Variants in B9D1 observed in about 807,000 individuals in gnomAD.
B9D1 encodes the protein B9 domain-containing protein 1.
In B9D1, 20 loss-of-function variants were observed where a neutral mutation model predicts 26.1. The observed-to-expected ratio is 0.77, with a 90% CI of 0.54 to 1.12. The LOEUF is 1.12. Among genes scored for constraint, B9D1 ranks in the 50% most tolerant of loss-of-function variants. The pLI, the probability that B9D1 is intolerant of heterozygous loss-of-function variation, is 0.00. For synonymous variants in B9D1, 105 were observed against 103.1 expected, an observed-to-expected ratio of 1.02 and a Z score of -0.11; for missense variants, 260 against 273.7, an observed-to-expected ratio of 0.95 and a Z score of 0.35.
chr17:19,362,503 T>C lies in B9D1; in HGVS notation c.63+4A>G. The stretch of plus-strand genomic sequence containing the variant: ...GGGCCCCGGCGGGGTCCACGGCCGC[T>C]CACCTGGGCGCTCTCCACCTGCCCG... On this transcript the variant is annotated splice_donor_region_variant and intron_variant, in intron 1 of 6. Transcript: ENST00000261499. The C allele has an allele frequency of 6.4e-7, 1 of 1,562,180 alleles. No individual in the cohort carries two copies. Among genetic ancestry groups the C allele is most frequent in the Non-Finnish European group, 8.7e-7 (1 of 1,152,958 alleles).
chr17:19,342,679 G>A (rs1165121781), downstream of B9D1, among the ~76,000 whole-genome samples: 1 of 152,160 alleles, frequency 6.6e-6, no homozygotes, highest in Non-Finnish European at 1.5e-5. Context: ...CCAAGGGGCT[G>A]CCAGAAAGCT....
intron 3 of B9D1, among the ~76,000 whole-genome samples, chr17:19,348,233 C>G (rs1190875554): frequency 6.6e-6 from 1 of 152,174 alleles, no homozygotes; most frequent in Admixed American, 6.5e-5. Context: ...GACCTCTGCT[C>G]TCTGGGTGCT....
downstream of B9D1, chr17:19,336,474 C>T (rs1598032921): frequency 6.6e-6 from 1 of 152,638 alleles, no homozygotes; most frequent in African/African-American, 2.4e-5. Context: ...GCCCCCTGCC[C>T]CATCTTCTGG....
In B9D1 at chr17:19,347,123, C is replaced by T. The variant is rs1870954260; in HGVS notation, c.404+146G>A. 1.3e-6 allele frequency: 2 copies of T among 1,587,930 alleles called. No individual in the cohort carries two copies. The highest frequency in any genetic ancestry group is 1.3e-5 in the African/African-American group (1 of 74,550). ...GAAGGGAGCCCCGTGACTCAGCACT[C>T]CCAGGGGACCTGTTTCTATTTGTCC... is the stretch of plus-strand genomic sequence containing the variant. On this transcript the variant is annotated intron_variant, in intron 5 of 6. Coordinates refer to ENST00000261499, the MANE Select transcript of B9D1 (RefSeq NM_015681.6). This position sits in a 1 kb window ranked among gnomAD's most constrained non-coding sequence, Gnocchi z 4.3.
chr17:19,344,494 G>A (rs1332007975), intron 5 of B9D1: 2 of 279,306 alleles, frequency 7.2e-6, no homozygotes, highest in East Asian at 1.7e-4. Flanking sequence ...GAGGCCGGGG[G>A]TGTCAGGCCC....
chr17:19,338,906 CAA>C (rs920019715), downstream of B9D1, among the ~76,000 whole-genome samples: 2 of 152,184 alleles, frequency 1.3e-5, no homozygotes, highest in African/African-American at 4.8e-5. Context: ...TTTTAAGTGA[CAA>C]AGTTTTGGGG....
chr17:19,339,795 G>A (rs1249579162), downstream of B9D1, among the ~76,000 whole-genome samples: 1 of 152,154 alleles, frequency 6.6e-6, no homozygotes, highest in East Asian at 1.9e-4. Flanking sequence ...CCCTGAAGTG[G>A]GTCAGACCTC....
chr17:19,366,979 T>C (rs1385830010), upstream of B9D1, among the ~76,000 whole-genome samples: 1 of 152,170 alleles, frequency 6.6e-6, no homozygotes, highest in African/African-American at 2.4e-5. Context: ...AAGCATTTAA[T>C]AGAGGCACAT....
At chr17:19,337,812 T>G (rs1907573992), downstream of B9D1, 3 of 947,810 alleles carry the variant, frequency 3.2e-6, no homozygotes, top group Non-Finnish European at 3.0e-6. Flanking sequence ...TGGAATTGCC[T>G]CACTGCCACT....
At chr17:19,343,097 G>A, downstream of B9D1, 2 of 1,417,918 alleles carry the variant, frequency 1.4e-6, no homozygotes, top group Non-Finnish European at 1.8e-6. Flanking sequence ...CTGGAGGTGG[G>A]GCCAGGAAAG....
At position 19,370,718 on chromosome 17, in the gene B9D1, G is replaced by A. The variant is rs564099434; in HGVS notation, c.-298+7141C>T. On this transcript the variant is annotated intron_variant, in intron 1 of 5. Transcript: ENST00000477478. This position sits in a 1 kb window ranked among gnomAD's most constrained non-coding sequence, Gnocchi z 5.1. ...GAGAGGTGTCTGGAGCCATCTGGCC[G>A]TGAGGTCAGCCACCCAGCCAGGCCT... Among the ~76,000 whole-genome samples, 194 of 152,316 alleles carry A rather than the reference G, an allele frequency of 1.3e-3. No homozygotes were observed. Among genetic ancestry groups the A allele is most frequent in the Non-Finnish European group, 2.3e-3 (155 of 68,026 alleles).
Position 19,343,462 on chromosome 17 carries a change from C to T in B9D1, c.473-1G>A. On this transcript the variant is annotated splice_acceptor_variant, in intron 6 of 6. Transcript: ENST00000261499. LOFTEE classifies it high-confidence loss of function. Reference sequence around the variant, plus strand: ...AAGCCCTGAGAACGGACACGGGTCACTGGGGACAGAAGGGCAGCATCAGCC... The same window carrying T: ...AAGCCCTGAGAACGGACACGGGTCATTGGGGACAGAAGGGCAGCATCAGCC... 2 of 1,614,128 alleles carry T rather than the reference C, an allele frequency of 1.2e-6. No individual in the cohort carries two copies. Among genetic ancestry groups the T allele is most frequent in the South Asian group, 2.2e-5 (2 of 91,070 alleles).
chr17:19,348,467 G>A (rs1909157645), intron 3 of B9D1, among the ~76,000 whole-genome samples: 1 of 152,208 alleles, frequency 6.6e-6, no homozygotes, highest in African/African-American at 2.4e-5. Context: ...GAGGGACTAG[G>A]AGCCGGCCTG....
downstream of B9D1, chr17:19,341,459 G>C (rs1165353667): frequency 2.0e-6 from 1 of 494,188 alleles, no homozygotes; most frequent in Non-Finnish European, 3.2e-6. Context: ...ACGATGGAGG[G>C]AGAAGGGGAG....
chr17:19,374,507 A>T (rs1434543754), intron 1 of B9D1, among the ~76,000 whole-genome samples: 1 of 152,232 alleles, frequency 6.6e-6, no homozygotes, highest in Non-Finnish European at 1.5e-5. Flanking sequence ...AAATTGTAAG[A>T]ACAATACTCT....
Position 19,359,873 on chromosome 17 carries a change from G to A in B9D1, c.132+447C>T, listed in dbSNP as rs574560483. 1.3e-4 allele frequency among the ~76,000 whole-genome samples: 20 copies of A among 152,240 alleles called. No homozygotes were observed. Among genetic ancestry groups the A allele is most frequent in the Non-Finnish European group, 2.2e-4 (15 of 68,042 alleles). Reference sequence around the variant, plus strand: ...ACAGCAGAGCACAGAGCGGGCTGAAGTTGTCACCACAGTCCCTCACCTGGT... The same window carrying A: ...ACAGCAGAGCACAGAGCGGGCTGAAATTGTCACCACAGTCCCTCACCTGGT... On this transcript the variant is annotated intron_variant, in intron 2 of 6. Coordinates refer to ENST00000261499, the MANE Select transcript of B9D1 (RefSeq NM_015681.6). The surrounding 1 kb of genome is among the most constrained non-coding windows in gnomAD (Gnocchi z 5.0).
At chr17:19,342,062 A>G (rs1202671786), downstream of B9D1, among the ~76,000 whole-genome samples, 1 of 152,186 alleles carries the variant, frequency 6.6e-6, no homozygotes, top group Non-Finnish European at 1.5e-5. Context: ...GTAGAGGTGA[A>G]GACAGACTGT....
chr17:19,351,725 C>T (rs1182959770), intron 3 of B9D1, among the ~76,000 whole-genome samples: 1 of 152,102 alleles, frequency 6.6e-6, no homozygotes, highest in Non-Finnish European at 1.5e-5. Context: ...ATTCTTATTC[C>T]TTTTTTGCAG....
rs1448501037 is a variant in B9D1 at position 19,343,335 on chromosome 17, T to G, written c.599A>C (p.Gln200Pro). 6.2e-7 allele frequency: 1 copy of G among 1,614,164 alleles called. No homozygotes were observed. Among genetic ancestry groups the G allele is most frequent in the Admixed American group, 1.7e-5 (1 of 60,020 alleles). The change falls in exon 7 of 7, where the codon CAG becomes CCG. Residue 200 changes from glutamine to proline, a missense_variant. Transcript: ENST00000261499. ...TQGVLGPSPPQSFPQ is the reference protein window; with the variant it reads ...TQGVLGPSPPPSFPQ ...GTGGAGCCTTCACTGGGGGAAGCTC[T>G]GGGGTGGGCTGGGCCCCAACACACC...
Sources: allele counts gnomAD v4.1 joint callset (sites outside exome capture counted in the v4.1 genomes callset), GRCh38; gene constraint gnomAD v4.1.1; non-coding constraint Gnocchi (gnomAD v3.1); transcripts MANE v1.5; gene names NCBI Gene and HGNC (gene_info 2026-07-23, HGNC 2026-07-21).